Variants in EXD3 observed in about 807,000 individuals in gnomAD.
EXD3 encodes the protein exonuclease 3'-5' domain containing 3, also known as exonuclease mut-7 homolog.
In EXD3, 92 loss-of-function variants were observed where a neutral mutation model predicts 98.0. The ratio of observed to expected loss-of-function variants is 0.94; its 90% CI spans 0.79 to 1.12. The LOEUF (loss-of-function observed/expected upper bound fraction) is 1.12, where lower values mean the gene tolerates loss of function less well. Ranked by LOEUF, EXD3 falls within the 50% of genes most tolerant of loss-of-function variation. The pLI, the probability that EXD3 is intolerant of heterozygous loss-of-function variation, is 0.00. For synonymous variants in EXD3, 569 were observed against 526.0 expected, an observed-to-expected ratio of 1.08 and a Z score of -1.12; for missense variants, 1,222 against 1,191.6, an observed-to-expected ratio of 1.03 and a Z score of -0.38.
intron 17 of EXD3, among the ~76,000 whole-genome samples, chr9:137,340,925 A>G (rs1235946439): frequency 6.6e-6 from 1 of 152,208 alleles, no homozygotes; most frequent in Non-Finnish European, 1.5e-5. Context: ...AGAAAGGACA[A>G]AGGACTGAAG....
At chr9:137,412,660 C>T (rs977469673) in intron 1 of EXD3, among the ~76,000 whole-genome samples, 3 of 152,180 alleles carry the variant, frequency 2.0e-5, no homozygotes, top group South Asian at 2.1e-4. Context: ...AAGATGGCCA[C>T]GCACAGCCGG....
At position 137,351,458 on chromosome 9, in the gene EXD3, GAC is replaced by G; in HGVS notation, c.1242_1243del (p.Ser415ThrfsTer204). On this transcript the variant is annotated frameshift_variant, in exon 13 of 22. Transcript: ENST00000340951. LOFTEE classifies it high-confidence loss of function. ...GCCCTCCACGGCCACCTGCAGGAGT[GAC>G]GGCCGAGGCCGGCCCCCAGCAACAA... 1 of 1,602,856 alleles carries G rather than the reference GAC, an allele frequency of 6.2e-7. No individual in the cohort carries two copies. Among genetic ancestry groups the G allele is most frequent in the Non-Finnish European group, 8.5e-7 (1 of 1,176,136 alleles).
At position 137,351,092 on chromosome 9, in the gene EXD3, G is replaced by C; in HGVS notation, c.1440C>G (p.Ala480=). 6.3e-7 allele frequency: 1 copy of C among 1,583,486 alleles called. No individual in the cohort carries two copies. The highest frequency in any genetic ancestry group is 8.6e-7 in the Non-Finnish European group (1 of 1,165,796). ...QKLGTSCPAL[A]HVEKQILGGM... ...CGCCCAGAATCTGCTTCTCCACATG[G>C]GCCAGGGCGGGGCAGGACGTGCCCA... The change falls in exon 14 of 22, where the codon GCC becomes GCG. Residue 480 remains alanine, a synonymous_variant. Coordinates refer to ENST00000340951, the MANE Select transcript of EXD3 (RefSeq NM_017820.5).
At chr9:137,400,544 T>C (rs537758613) in intron 1 of EXD3, among the ~76,000 whole-genome samples, 1 of 152,214 alleles carries the variant, frequency 6.6e-6, no homozygotes, top group East Asian at 1.9e-4. Context: ...GGAGGGTGGA[T>C]CACCTGAGGT....
intron 2 of EXD3, among the ~76,000 whole-genome samples, chr9:137,390,944 T>C (rs535274849): frequency 6.6e-6 from 1 of 152,324 alleles, no homozygotes; most frequent in Non-Finnish European, 1.5e-5. Context: ...TGCCACAAAG[T>C]GCCTGTGACC....
At chr9:137,345,840 G>C (rs1176860542) in intron 17 of EXD3, 5 of 152,204 alleles carry the variant, frequency 3.3e-5, no homozygotes, top group Admixed American at 1.3e-4. Context: ...GTGAACACCT[G>C]TCTAGAACAT....
At chr9:137,334,222 G>A (rs558443608) in intron 17 of EXD3, among the ~76,000 whole-genome samples, 4 of 152,232 alleles carry the variant, frequency 2.6e-5, no homozygotes, top group African/African-American at 9.6e-5. Flanking sequence ...GGCTGGTCTC[G>A]AACGCCCGAC....
In EXD3 at chr9:137,414,328, C is replaced by T. The variant is rs1001881923; in HGVS notation, c.-48+8786G>A. Among the ~76,000 whole-genome samples the T allele has an allele frequency of 2.6e-5, 4 of 152,352 alleles. No individual in the cohort carries two copies. In the South Asian group the frequency reaches 6.2e-4, roughly 24 times the overall value. ...CTTTCCGTGGCTGAGTCCTGCCCCACTGTGTGCACAGACCACGGGCTGTTT... is the reference window on the plus strand; with the variant it reads ...CTTTCCGTGGCTGAGTCCTGCCCCATTGTGTGCACAGACCACGGGCTGTTT... On this transcript the variant is annotated intron_variant, in intron 1 of 21. Coordinates refer to ENST00000340951, the MANE Select transcript of EXD3 (RefSeq NM_017820.5).
chr9:137,403,693 T>C lies in EXD3; in HGVS notation c.-47-8289A>G, dbSNP rs1484299402. On this transcript the variant is annotated intron_variant, in intron 1 of 21. Coordinates refer to ENST00000340951, the MANE Select transcript of EXD3 (RefSeq NM_017820.5). The surrounding 1 kb of genome is among the most constrained non-coding windows in gnomAD (Gnocchi z 6.1). Reference sequence around the variant, plus strand: ...CCAGCAGGCCCGAGATCCAGGGTCTTAGGGCTCCTCCCAGCAGGGCAGACC... The same window carrying C: ...CCAGCAGGCCCGAGATCCAGGGTCTCAGGGCTCCTCCCAGCAGGGCAGACC... 1.3e-5 allele frequency among the ~76,000 whole-genome samples: 2 copies of C among 152,112 alleles called. No homozygotes were observed. Among genetic ancestry groups the C allele is most frequent in the Non-Finnish European group, 2.9e-5 (2 of 68,028 alleles).
Position 137,354,765 on chromosome 9 carries a change from GAC to G in EXD3, c.764_765del (p.Cys255SerfsTer57). 6 of 1,609,746 alleles carry G rather than the reference GAC, an allele frequency of 3.7e-6. No homozygotes were observed. Among genetic ancestry groups the G allele is most frequent in the Non-Finnish European group, 5.1e-6 (6 of 1,179,484 alleles). ...AGGCGCTGCTGAATGGCCGCGTTGGGACACAGCGCTGAAAGGAAAGGCCAGCT... is the reference window on the plus strand; with the variant it reads ...AGGCGCTGCTGAATGGCCGCGTTGGGACAGCGCTGAAAGGAAAGGCCAGCT... ...QERYGVAPAL[C>X]PNAAIQQRLA... On this transcript the variant is annotated frameshift_variant, in exon 9 of 22. Coordinates refer to ENST00000340951, the MANE Select transcript of EXD3 (RefSeq NM_017820.5). LOFTEE classifies it high-confidence loss of function.
intron 1 of EXD3, among the ~76,000 whole-genome samples, chr9:137,422,112 T>TAAAAA (rs35073810): frequency 8.4e-6 from 1 of 119,478 alleles, no homozygotes; most frequent in African/African-American, 3.1e-5. Flanking sequence ...GTGGTGTTCT[T>TAAAAA]AAAAAAAAAA....
intron 1 of EXD3, among the ~76,000 whole-genome samples, chr9:137,417,325 C>A (rs1029584089): frequency 6.6e-6 from 1 of 152,206 alleles, no homozygotes; most frequent in East Asian, 1.9e-4. Context: ...CAGCACACCC[C>A]GGCAGCGCCC....
At chr9:137,307,707 C>T (rs561923215) in intron 20 of EXD3, 61 bp from the exon 21 acceptor site, 25 of 1,585,126 alleles carry the variant, frequency 1.6e-5, no homozygotes, top group Admixed American at 6.8e-5. Flanking sequence ...TGGCAGCCAG[C>T]GGGGTCCATG....
chr9:137,365,167 T>A (rs954121958), intron 7 of EXD3: 2 of 151,810 alleles, frequency 1.3e-5, no homozygotes, highest in Admixed American at 6.6e-5. Context: ...GCCTGCTCCC[T>A]CTGATGAAAA....
At chr9:137,354,020 C>A (rs774965165) in intron 10 of EXD3, 14 of 1,169,248 alleles carry the variant, frequency 1.2e-5, no homozygotes, top group Non-Finnish European at 1.5e-5. Context: ...AGGCGCCTTG[C>A]ACCTCTCTGG....
chr9:137,328,781 ACTACACGGGACTACACGGGG>A (rs1564477894), intron 17 of EXD3, among the ~76,000 whole-genome samples: 4 of 20,180 alleles, frequency 2.0e-4, no homozygotes, highest in Admixed American at 4.3e-4. Flanking sequence ...GCTACACGGG[ACTACACGGGACTACACGGGG>A]CTACACGGGA....
chr9:137,355,604 A>G (rs141373932), intron 8 of EXD3, among the ~76,000 whole-genome samples: 463 of 2,270 alleles, frequency 0.2, 70 homozygotes, highest in African/African-American at 0.39. Flanking sequence ...GCGGAAGGAG[A>G]AAGGAGGAAG....
In EXD3 at chr9:137,394,700, C is replaced by T. The variant is rs1483604274; in HGVS notation, c.55+603G>A. On this transcript the variant is annotated intron_variant, in intron 2 of 21. Transcript: ENST00000340951. ...TCAGCACTGAATCTGGCAGGGCAGC[C>T]GAGCGAGCGGGGATGCGGCCTCCCC... 1.1e-4 allele frequency among the ~76,000 whole-genome samples: 5 copies of T among 47,342 alleles called. No homozygotes were observed. In the South Asian group the frequency reaches 2.0e-3, roughly 19 times the overall value. 31.1% of individuals were successfully genotyped at this position (47,342 alleles called of 152,430 possible).
intron 20 of EXD3, among the ~76,000 whole-genome samples, chr9:137,308,952 ACCTCT>A (rs2119038095): frequency 6.6e-6 from 1 of 151,808 alleles, no homozygotes; most frequent in Admixed American, 6.6e-5. Flanking sequence ...GCCTGGACTG[ACCTCT>A]TTCTATCCAC....
Sources: gnomAD v4.1 joint callset for allele counts (sites outside exome capture counted in the v4.1 genomes callset) on GRCh38, gnomAD v4.1.1 for gene constraint, Gnocchi (gnomAD v3.1) non-coding constraint, MANE v1.5 for transcripts, NCBI Gene and HGNC (gene_info 2026-07-23, HGNC 2026-07-21) for gene names.